The following GRIA3 variants were observed in gnomAD, a reference collection of about 807,000 sequenced individuals.
The protein encoded by GRIA3 is glutamate ionotropic receptor AMPA type subunit 3.
Under a neutral mutation model 63.0 loss-of-function variants are expected in GRIA3, and 3 were observed. That is an observed-to-expected ratio of 0.05 (90% CI 0.02 to 0.12). The LOEUF is 0.12. Among genes scored for constraint, GRIA3 ranks in the 10% least tolerant of loss-of-function variants. GRIA3 has a pLI of 1.00. For missense variants in GRIA3, 347 were observed against 700.9 expected (o/e 0.50, Z 5.70); for synonymous variants, 274 against 257.9 (o/e 1.06, Z -0.60).
chrX:123,326,966 G>A (rs1418285257), intron 4 of GRIA3, among the ~76,000 whole-genome samples: 5 of 105,672 alleles, frequency 4.7e-5, no homozygotes, highest in Admixed American at 1.0e-4. Context: ...GCAAGACTCT[G>A]TCTCAAAAAA....
intron 13 of GRIA3, among the ~76,000 whole-genome samples, chrX:123,466,813 C>G (rs1199552157): frequency 1.8e-5 from 2 of 112,374 alleles, no homozygotes; most frequent in Non-Finnish European, 3.8e-5. Flanking sequence ...TTCCCAACCA[C>G]AGACCAACAG....
chrX:123,205,283 G>A (rs1004769558), intron 2 of GRIA3, among the ~76,000 whole-genome samples: 5 of 111,850 alleles, frequency 4.5e-5, no homozygotes, highest in Non-Finnish European at 1.9e-5. Flanking sequence ...GGGAATGAGT[G>A]GTTCTAAGCT....
intron 15 of GRIA3, among the ~76,000 whole-genome samples, chrX:123,487,979 T>A (rs1482787159): frequency 8.9e-6 from 1 of 111,918 alleles, no homozygotes; most frequent in Non-Finnish European, 1.9e-5. Flanking sequence ...TAGTGCAGAA[T>A]GAAAGGATAA....
intron 10 of GRIA3, among the ~76,000 whole-genome samples, chrX:123,406,419 C>A (rs915864323): frequency 8.9e-6 from 1 of 111,797 alleles, no homozygotes; most frequent in African/African-American, 3.3e-5. Flanking sequence ...GAGAAGGACT[C>A]TAGTGCTTGG....
intron 12 of GRIA3, among the ~76,000 whole-genome samples, chrX:123,449,777 T>C (rs1343495702): frequency 8.9e-6 from 1 of 111,871 alleles, no homozygotes; most frequent in Non-Finnish European, 1.9e-5. Flanking sequence ...CAAGCATCTG[T>C]TGAGTTAACT....
At chrX:123,415,161 C>T in intron 10 of GRIA3, among the ~76,000 whole-genome samples, 1 of 112,043 alleles carries the variant, frequency 8.9e-6, no homozygotes, top group Non-Finnish European at 1.9e-5. Flanking sequence ...TTGCATTTCT[C>T]TGACGACCAG....
chrX:123,228,111 G>A (rs2147268873), intron 2 of GRIA3, among the ~76,000 whole-genome samples: 1 of 112,081 alleles, frequency 8.9e-6, no homozygotes, highest in South Asian at 3.7e-4. Context: ...TATCGTAATA[G>A]CATGGACTTG....
Position 123,257,022 on chromosome X carries a change from T to A in GRIA3, c.508+3480T>A, listed in dbSNP as rs1207520598. Among the ~76,000 whole-genome samples, 3 of 111,652 alleles carry A rather than the reference T, an allele frequency of 2.7e-5. No individual in the cohort carries two copies. In the Admixed American group the frequency reaches 2.8e-4, roughly 11 times the overall value. The stretch of plus-strand genomic sequence containing the variant: ...ATTGGGTAAGATGGTAAGATGGTGA[T>A]GCCATTTACTGAGGTGACTGGACAG... On this transcript the variant is annotated intron_variant, in intron 3 of 15. Transcript: ENST00000620443.
At chrX:123,314,170 G>A (rs73229281) in intron 3 of GRIA3, among the ~76,000 whole-genome samples, 2 of 111,410 alleles carry the variant, frequency 1.8e-5, no homozygotes, top group South Asian at 3.8e-4. Context: ...TCTAGGAGAC[G>A]CAGTCACAAG....
intron 3 of GRIA3, among the ~76,000 whole-genome samples, chrX:123,269,762 G>A (rs192250142): frequency 9.7e-4 from 109 of 111,948 alleles, no homozygotes; most frequent in Non-Finnish European, 1.9e-3. Context: ...CCAGCCATCC[G>A]CCTATCCCAC....
intron 5 of GRIA3, among the ~76,000 whole-genome samples, chrX:123,360,851 TCTCTCACA>T (rs1445319866): frequency 1.1e-4 from 3 of 26,615 alleles, no homozygotes; most frequent in Non-Finnish European, 1.4e-4. Flanking sequence ...TCTCTCTCTC[TCTCTCACA>T]CACACACACA....
chrX:123,297,304 A>G (rs1476521637), intron 3 of GRIA3, among the ~76,000 whole-genome samples: 1 of 111,480 alleles, frequency 9.0e-6, no homozygotes, highest in African/African-American at 3.3e-5. Flanking sequence ...AACCTCTTGA[A>G]CCCCTATGGG....
intron 12 of GRIA3, among the ~76,000 whole-genome samples, chrX:123,432,271 A>C (rs770651840): frequency 1.8e-5 from 2 of 112,172 alleles, no homozygotes; most frequent in Admixed American, 1.9e-4. Flanking sequence ...TTTAGCCCCC[A>C]GTAGGCACTT....
chrX:123,246,777 A>G (rs2044361554), intron 2 of GRIA3, among the ~76,000 whole-genome samples: 1 of 109,242 alleles, frequency 9.2e-6, no homozygotes, highest in Non-Finnish European at 1.9e-5. Flanking sequence ...CTTCCATGTG[A>G]TAGACATCAT....
At chrX:123,472,468 C>T (rs2045868968) in intron 13 of GRIA3, among the ~76,000 whole-genome samples, 1 of 111,326 alleles carries the variant, frequency 9.0e-6, no homozygotes, top group African/African-American at 3.3e-5. Context: ...GATCTTAAAC[C>T]AGAGTTTTCA....
chrX:123,399,856 T>A (rs759011289), intron 7 of GRIA3, among the ~76,000 whole-genome samples: 2 of 111,979 alleles, frequency 1.8e-5, no homozygotes, highest in African/African-American at 3.2e-5. Flanking sequence ...AGCCCTTGTG[T>A]CTCTCTTCAA....
intron 5 of GRIA3, among the ~76,000 whole-genome samples, chrX:123,375,135 T>C (rs779140364): frequency 8.9e-6 from 1 of 112,033 alleles, no homozygotes; most frequent in South Asian, 3.8e-4. Context: ...TTTTAGGGTC[T>C]TTATCATGAA....
At chrX:123,248,691 TAAG>T (rs1170453723) in intron 2 of GRIA3, among the ~76,000 whole-genome samples, 2 of 110,915 alleles carry the variant, frequency 1.8e-5, no homozygotes, top group African/African-American at 6.6e-5. Context: ...GAGGCTGAGG[TAAG>T]AGAATTGCTT....
intron 3 of GRIA3, chrX:123,253,779 T>C (rs1267904052): frequency 5.4e-6 from 2 of 373,717 alleles, no homozygotes; most frequent in Non-Finnish European, 9.2e-6. Context: ...TACCTCTTGA[T>C]TGAGTCACCA....
Sources: gnomAD v4.1 joint callset for allele counts (sites outside exome capture counted in the v4.1 genomes callset) on GRCh38, gnomAD v4.1.1 for gene constraint, MANE v1.5 for transcripts, NCBI Gene and HGNC (gene_info 2026-07-23, HGNC 2026-07-21) for gene names.